SPEF2: variants seen among roughly 807,000 people sequenced by gnomAD.
The protein encoded by SPEF2 is sperm flagella and cilia-associated protein 2.
A neutral mutation model predicts 224.6 loss-of-function variants in SPEF2; 187 were observed. The observed-to-expected ratio is 0.83, with a 90% CI of 0.74 to 0.94. SPEF2 has a LOEUF of 0.94. SPEF2 is among the 40% of genes least tolerant of loss of function. SPEF2 has a pLI of 0.00. For synonymous variants in SPEF2, 715 were observed against 707.3 expected (o/e 1.01, Z -0.17); for missense variants, 2,170 against 2,135.6 (o/e 1.02, Z -0.32).
At chr5:35,697,563 C>T in intron 14 of SPEF2, 127 bp from the exon 15 acceptor site, 1 of 692,482 alleles carries the variant, frequency 1.4e-6, no homozygotes, top group South Asian at 2.0e-5. Flanking sequence ...TCCCTGACTC[C>T]CGAACTGTGC....
chr5:35,647,894 CTCA>C (rs1344382996), intron 5 of SPEF2, among the ~76,000 whole-genome samples: 1 of 94,818 alleles, frequency 1.1e-5, no homozygotes, highest in East Asian at 4.4e-4. Context: ...AAGAGGCAAT[CTCA>C]TTATATTTCA....
intron 30 of SPEF2, among the ~76,000 whole-genome samples, chr5:35,786,699 A>G (rs1326606436): frequency 6.6e-6 from 1 of 152,092 alleles, no homozygotes; most frequent in Non-Finnish European, 1.5e-5. Context: ...GTTAGACCCA[A>G]ATAAGGTATG....
chr5:35,748,201 T>C (rs1206317703), intron 23 of SPEF2, among the ~76,000 whole-genome samples: 2 of 152,090 alleles, frequency 1.3e-5, no homozygotes, highest in Non-Finnish European at 2.9e-5. Flanking sequence ...GGAAAGTTCA[T>C]AGCCCTAAAT....
rs573446805 is a variant in SPEF2 at position 35,741,047 on chromosome 5, T to C, written c.3330+780T>C. 2.9e-4 allele frequency among the ~76,000 whole-genome samples: 44 copies of C among 152,352 alleles called. 1 individual carries two copies. The highest frequency in any genetic ancestry group is 8.9e-4 in the African/African-American group (37 of 41,582). The stretch of plus-strand genomic sequence containing the variant: ...CATTCATTTGGTCAATAAATACTTA[T>C]TGAGCATCTATTATGGTCCTAGCAC... On this transcript the variant is annotated intron_variant, in intron 23 of 36. Transcript: ENST00000356031.
chr5:35,673,823 G>T (rs1419469768), intron 10 of SPEF2, among the ~76,000 whole-genome samples: 2 of 152,112 alleles, frequency 1.3e-5, no homozygotes, highest in African/African-American at 4.8e-5. Flanking sequence ...TTAAGATGTG[G>T]TTGTATATGT....
chr5:35,762,934 T>C (rs1264098924), intron 25 of SPEF2, among the ~76,000 whole-genome samples: 1 of 152,210 alleles, frequency 6.6e-6, no homozygotes, highest in Admixed American at 6.5e-5. Context: ...GGGGTGGTGC[T>C]GTAGGCTACC....
chr5:35,700,445 A>T, intron 15 of SPEF2, 51 bp from the exon 16 acceptor site: 1 of 1,516,636 alleles, frequency 6.6e-7, no homozygotes, highest in Non-Finnish European at 8.9e-7. Context: ...TAGTATTTCC[A>T]AAGTACTTGT....
At chr5:35,666,153 C>T (rs1389017992) in intron 8 of SPEF2, among the ~76,000 whole-genome samples, 5 of 152,072 alleles carry the variant, frequency 3.3e-5, no homozygotes, top group African/African-American at 1.2e-4. Context: ...GGCTTGAACT[C>T]GACCATAGCT....
chr5:35,773,975 G>T lies in SPEF2; in HGVS notation c.4032G>T (p.Leu1344=). 6.2e-7 allele frequency: 1 copy of T among 1,613,242 alleles called. No homozygotes were observed. Residue 1344 remains leucine (L), a synonymous_variant, in exon 28 of 37, where the codon CTG becomes CTT. Coordinates refer to ENST00000356031, the MANE Select transcript of SPEF2 (RefSeq NM_024867.4). Reference sequence around the variant, plus strand: ...CTGAAATCAAAAGGAAAAATGAACTGAGGGTCAAAATAAAAGAAGAACACC... The same window carrying T: ...CTGAAATCAAAAGGAAAAATGAACTTAGGGTCAAAATAAAAGAAGAACACC... ...EIAEIKRKNE[L]RVKIKEEHLA... is the part of the protein sequence containing the mutation.
At chr5:35,619,871 A>AAGAATGACTTCATTCTG (rs2307554) in intron 1 of SPEF2, among the ~76,000 whole-genome samples, 39,019 of 152,042 alleles carry the variant, frequency 0.26, 7,420 homozygotes, top group African/African-American at 0.54. Flanking sequence ...GAGGTGGAGG[A>AAGAATGACTTCATTCTG]TAAACATAAA....
At chr5:35,656,163 A>T (rs1443883260) in intron 7 of SPEF2, among the ~76,000 whole-genome samples, 1 of 152,166 alleles carries the variant, frequency 6.6e-6, no homozygotes, top group Non-Finnish European at 1.5e-5. Flanking sequence ...TAAGAGGAAC[A>T]AACTTGGGGT....
intron 23 of SPEF2, among the ~76,000 whole-genome samples, chr5:35,751,896 A>G (rs1051591598): frequency 1.3e-5 from 2 of 152,154 alleles, no homozygotes; most frequent in African/African-American, 4.8e-5. Flanking sequence ...GAGATAATCA[A>G]TGTAATGCAG....
chr5:35,772,964 T>C (rs1753082040), intron 27 of SPEF2, among the ~76,000 whole-genome samples: 1 of 152,190 alleles, frequency 6.6e-6, no homozygotes, highest in Non-Finnish European at 1.5e-5. Context: ...AAATGGGCCC[T>C]GCAACTAGAA....
intron 28 of SPEF2, among the ~76,000 whole-genome samples, chr5:35,774,582 C>G (rs547595100): frequency 2.6e-5 from 4 of 152,248 alleles, no homozygotes; most frequent in African/African-American, 9.6e-5. Context: ...ACATATTCTC[C>G]TTATGGCTCT....
chr5:35,788,023 C>T (rs1315371842), intron 30 of SPEF2: 1 of 701,776 alleles, frequency 1.4e-6, no homozygotes, highest in East Asian at 2.7e-5. Flanking sequence ...ATCTTATGTT[C>T]TGCGCCTTGT....
chr5:35,647,941 A>G (rs951825394), intron 5 of SPEF2, among the ~76,000 whole-genome samples: 3 of 152,182 alleles, frequency 2.0e-5, no homozygotes, highest in African/African-American at 7.2e-5. Context: ...GTTTGATACA[A>G]ATTCCTGCAA....
intron 29 of SPEF2, among the ~76,000 whole-genome samples, chr5:35,777,742 C>G (rs1753793918): frequency 1.3e-5 from 2 of 151,724 alleles, no homozygotes; most frequent in African/African-American, 4.8e-5. Context: ...CCTTCAAATC[C>G]TGTTCTTATT....
Position 35,768,445 on chromosome 5 carries a change from A to G in SPEF2, c.3802-3164A>G, listed in dbSNP as rs534714528. ...TGTTCTTAGAAAGGGAGGATCATAT[A>G]GCTATGCCTCTTGATTAAGCTGATA... On this transcript the variant is annotated intron_variant, in intron 26 of 36. Coordinates refer to ENST00000356031, the MANE Select transcript of SPEF2 (RefSeq NM_024867.4). Among the ~76,000 whole-genome samples the G allele has an allele frequency of 9.2e-5, 14 of 152,278 alleles. No homozygotes were observed. The South Asian group carries it at 2.1e-3, about 23-fold the overall frequency.
At chr5:35,701,462 G>T (rs970647148) in intron 16 of SPEF2, among the ~76,000 whole-genome samples, 27 of 152,110 alleles carry the variant, frequency 1.8e-4, no homozygotes, top group African/African-American at 6.3e-4. Flanking sequence ...ACAGAATCTG[G>T]CACATGATAA....
Sources: gnomAD v4.1 joint callset for allele counts (sites outside exome capture counted in the v4.1 genomes callset) on GRCh38, gnomAD v4.1.1 for gene constraint, MANE v1.5 for transcripts, NCBI Gene and HGNC (gene_info 2026-07-23, HGNC 2026-07-21) for gene names.